FGGY: variants seen among roughly 807,000 people sequenced by gnomAD.
The protein encoded by FGGY is FGGY carbohydrate kinase domain-containing protein.
A neutral mutation model predicts 71.3 loss-of-function variants in FGGY; 72 were observed. The ratio of observed to expected loss-of-function variants is 1.01; its 90% CI spans 0.84 to 1.23. The LOEUF (loss-of-function observed/expected upper bound fraction) is 1.23. Ranked by LOEUF, FGGY falls within the 50% of genes most tolerant of loss-of-function variation. The probability of loss-of-function intolerance (pLI) is 0.00; values close to 1 mark genes in which losing one functional copy is unlikely to be tolerated. For synonymous variants in FGGY, 251 were observed against 250.3 expected, an observed-to-expected ratio of 1.00 and a Z score of -0.02; for missense variants, 668 against 682.3, an observed-to-expected ratio of 0.98 and a Z score of 0.23.
chr1:59,444,708 C>G (rs572370878), intron 5 of FGGY, among the ~76,000 whole-genome samples: 1 of 152,218 alleles, frequency 6.6e-6, no homozygotes, highest in East Asian at 1.9e-4. Context: ...TTGTGAACTG[C>G]GCATGCAAGG....
chr1:59,552,684 G>C (rs893046184), intron 7 of FGGY, among the ~76,000 whole-genome samples: 1 of 152,088 alleles, frequency 6.6e-6, no homozygotes, highest in African/African-American at 2.4e-5. Flanking sequence ...GGCCCCTATA[G>C]GTGGGTTAGC....
intron 14 of FGGY, among the ~76,000 whole-genome samples, chr1:59,676,284 C>T (rs1310034540): frequency 6.6e-6 from 1 of 152,044 alleles, no homozygotes; most frequent in Non-Finnish European, 1.5e-5. Flanking sequence ...AGGGCAGAAG[C>T]AGAATTGAAA....
At chr1:59,438,508 C>T (rs11207448) in intron 5 of FGGY, among the ~76,000 whole-genome samples, 20,431 of 152,072 alleles carry the variant, frequency 0.13, 1,465 homozygotes, top group Non-Finnish European at 0.15. Context: ...TTTCAGAGTC[C>T]GATACCTATT....
intron 14 of FGGY, among the ~76,000 whole-genome samples, chr1:59,739,897 T>C (rs973200579): frequency 1.3e-5 from 2 of 152,214 alleles, no homozygotes; most frequent in African/African-American, 4.8e-5. Flanking sequence ...CTGGTTGGGT[T>C]TGGCCAATGG....
chr1:59,616,220 G>T (rs2096751736), intron 9 of FGGY, among the ~76,000 whole-genome samples: 1 of 152,192 alleles, frequency 6.6e-6, no homozygotes, highest in Non-Finnish European at 1.5e-5. Context: ...CAATAGCAAA[G>T]TCTTGGAACC....
intron 4 of FGGY, among the ~76,000 whole-genome samples, chr1:59,355,969 G>A (rs1010467691): frequency 6.6e-6 from 1 of 151,980 alleles, no homozygotes; most frequent in African/African-American, 2.4e-5. Context: ...TTTAAAAATT[G>A]AGAAATTTTA....
In FGGY at chr1:59,615,004, A is replaced by T. The variant is rs552686445; in HGVS notation, c.1011+7094A>T. Among the ~76,000 whole-genome samples, 42 of 152,356 alleles carry T rather than the reference A, an allele frequency of 2.8e-4. 1 individual carries two copies. The South Asian group carries it at 7.5e-3, about 27-fold the overall frequency. ...ACTGCTCAATGAAATAAAAGAGGACACAAACAAATGGAAGAACATTCCATG... is the reference window on the plus strand; with the variant it reads ...ACTGCTCAATGAAATAAAAGAGGACTCAAACAAATGGAAGAACATTCCATG... On this transcript the variant is annotated intron_variant, in intron 9 of 15. Transcript: ENST00000303721.
At chr1:59,368,973 C>T (rs571529015) in intron 4 of FGGY, among the ~76,000 whole-genome samples, 261 of 152,246 alleles carry the variant, frequency 1.7e-3, no homozygotes, top group African/African-American at 5.8e-3. Context: ...CTACAGCTCC[C>T]AGTGTGAGCA....
intron 5 of FGGY, among the ~76,000 whole-genome samples, chr1:59,413,040 A>G (rs953138416): frequency 6.6e-6 from 1 of 152,218 alleles, no homozygotes; most frequent in African/African-American, 2.4e-5. Flanking sequence ...TCCAACTCCC[A>G]TGCATTTGCA....
intron 6 of FGGY, among the ~76,000 whole-genome samples, chr1:59,463,329 C>T (rs1286260698): frequency 6.6e-6 from 1 of 152,118 alleles, no homozygotes; most frequent in African/African-American, 2.4e-5. Flanking sequence ...TTTGTCACCA[C>T]CAGGCCTGCC....
chr1:59,388,238 C>T (rs1429167609), intron 5 of FGGY, among the ~76,000 whole-genome samples: 1 of 152,094 alleles, frequency 6.6e-6, no homozygotes, highest in East Asian at 1.9e-4. Flanking sequence ...GTATGATTAC[C>T]ACATGGCAGT....
chr1:59,526,590 T>C (rs2094988509), intron 7 of FGGY, among the ~76,000 whole-genome samples: 2 of 152,212 alleles, frequency 1.3e-5, no homozygotes, highest in South Asian at 4.1e-4. Context: ...AGCCAGCTCT[T>C]CCAGGACAAG....
chr1:59,456,320 A>T (rs1388111140), intron 5 of FGGY, among the ~76,000 whole-genome samples: 1 of 152,224 alleles, frequency 6.6e-6, no homozygotes. Context: ...CTAAAATTTC[A>T]TAATTTTTTT....
At chr1:59,406,570 T>C (rs1414389977) in intron 5 of FGGY, among the ~76,000 whole-genome samples, 2 of 152,164 alleles carry the variant, frequency 1.3e-5, no homozygotes, top group Non-Finnish European at 2.9e-5. Context: ...CAACAATATA[T>C]ATTAAATGAG....
intron 14 of FGGY, among the ~76,000 whole-genome samples, chr1:59,694,827 A>G (rs1439228010): frequency 1.3e-5 from 2 of 152,096 alleles, no homozygotes; most frequent in Non-Finnish European, 2.9e-5. Context: ...ACCCAGCTCT[A>G]ACTAGGCGTC....
At chr1:59,671,566 G>C (rs1358721467) in intron 13 of FGGY, among the ~76,000 whole-genome samples, 1 of 152,200 alleles carries the variant, frequency 6.6e-6, no homozygotes, top group Non-Finnish European at 1.5e-5. Flanking sequence ...ATTGGTCTTA[G>C]AGGCAAATGG....
chr1:59,755,570 A>T (rs563350651), intron 14 of FGGY: 2 of 152,312 alleles, frequency 1.3e-5, no homozygotes, highest in African/African-American at 4.8e-5. Context: ...TTAACATTTA[A>T]ATCTGTACTT....
Position 59,597,075 on chromosome 1 carries a change from C to A in FGGY, c.904-10728C>A, listed in dbSNP as rs184942873. On this transcript the variant is annotated intron_variant, in intron 8 of 15. Coordinates refer to ENST00000303721, the MANE Select transcript of FGGY (RefSeq NM_018291.5). The stretch of plus-strand genomic sequence containing the variant: ...AGGTGTCTATGGAAAGTTTTGAATT[C>A]TTTTTGCCTATTCAGTTTAGTCTTC... 4.9e-4 allele frequency among the ~76,000 whole-genome samples: 75 copies of A among 152,248 alleles called. 2 individuals are homozygous for A. The highest frequency in any genetic ancestry group is 4.2e-3 in the Admixed American group (64 of 15,300).
intron 14 of FGGY, among the ~76,000 whole-genome samples, chr1:59,715,198 G>C (rs1161334189): frequency 6.6e-6 from 1 of 152,164 alleles, no homozygotes; most frequent in Non-Finnish European, 1.5e-5. Context: ...ACTAATGTGG[G>C]ATTTGGGAAG....
Sources: allele counts gnomAD v4.1 joint callset (sites outside exome capture counted in the v4.1 genomes callset), GRCh38; gene constraint gnomAD v4.1.1; transcripts MANE v1.5; gene names NCBI Gene and HGNC (gene_info 2026-07-23, HGNC 2026-07-21).